The following ZSWIM6 variants were observed in gnomAD, a reference collection of about 807,000 sequenced individuals.
ZSWIM6 encodes the protein zinc finger SWIM domain-containing protein 6.
ZSWIM6 carries 9 observed loss-of-function variants against 113.2 expected under a neutral mutation model. That is an observed-to-expected ratio of 0.08 (90% confidence interval 0.05 to 0.14). ZSWIM6 has a LOEUF of 0.14. Among genes scored for constraint, ZSWIM6 ranks in the 10% least tolerant of loss-of-function variants. ZSWIM6 has a pLI of 1.00. For synonymous variants in ZSWIM6, 611 were observed against 606.5 expected (o/e 1.01, Z -0.11); for missense variants, 1,162 against 1,552.2 (o/e 0.75, Z 4.22).
chr5:61,506,055 TC>T (rs1205164702), intron 4 of ZSWIM6, among the ~76,000 whole-genome samples: 2 of 152,012 alleles, frequency 1.3e-5, no homozygotes, highest in African/African-American at 4.8e-5. Flanking sequence ...AGATTTATTT[TC>T]TTCCTTGACA....
chr5:61,355,262 G>T (rs1744874327), intron 1 of ZSWIM6, among the ~76,000 whole-genome samples: 1 of 152,056 alleles, frequency 6.6e-6, no homozygotes, highest in Non-Finnish European at 1.5e-5. Context: ...CTTATTCTGG[G>T]TGCCAGTGGA....
chr5:61,523,553 A>C (rs1437994969), intron 5 of ZSWIM6, among the ~76,000 whole-genome samples: 1 of 152,210 alleles, frequency 6.6e-6, no homozygotes, highest in Non-Finnish European at 1.5e-5. Context: ...TACTTTATGA[A>C]AAATTCTTAC....
intron 9 of ZSWIM6, among the ~76,000 whole-genome samples, chr5:61,534,322 A>G (rs925593999): frequency 2.0e-5 from 3 of 152,222 alleles, no homozygotes; most frequent in African/African-American, 4.8e-5. Flanking sequence ...TAAATAATGA[A>G]TAATTCAAAA....
Position 61,439,448 on chromosome 5 carries a change from G to T in ZSWIM6, c.677-33233G>T, listed in dbSNP as rs370278041. On this transcript the variant is annotated intron_variant, in intron 1 of 13. Transcript: ENST00000252744. ...ACTAGGGTTTTTAAGCTAAAAGGCT[G>T]CTTTTTAAATTGTGAAATATAAAGT... Among the ~76,000 whole-genome samples the T allele has an allele frequency of 4.7e-4, 72 of 152,296 alleles. No homozygotes were observed. The South Asian group carries it at 9.5e-3, about 20-fold the overall frequency.
Position 61,332,567 on chromosome 5 carries a change from G to A in ZSWIM6, c.295G>A (p.Glu99Lys). 1 of 1,365,922 alleles carries A rather than the reference G, an allele frequency of 7.3e-7. No individual in the cohort carries two copies. The highest frequency in any genetic ancestry group is 9.7e-7 in the Non-Finnish European group (1 of 1,032,638). The allele number at this position is 1,365,922 out of a possible 1,614,324, so 84.6% of individuals were successfully genotyped here. Residue 99 changes from glutamate to lysine, a missense_variant, in exon 1 of 14, where the codon GAG becomes AAG. Transcript: ENST00000252744. ...GTTCCAGCGCGTGGAGGAGCGCTTT[G>A]AGCGCATCCCGGAGCCGGTGCAGCG... ...WPFQRVEERF[E>K]RIPEPVQRRI...
intron 1 of ZSWIM6, among the ~76,000 whole-genome samples, chr5:61,374,756 T>C (rs1005672290): frequency 2.0e-5 from 3 of 151,920 alleles, no homozygotes; most frequent in South Asian, 2.1e-4. Flanking sequence ...GGGGTTTCAC[T>C]GTGTTAGCCA....
rs190856393 is a variant in ZSWIM6, at chr5:61,525,922, C to T, written c.1636C>T (p.His546Tyr). 1 of 1,552,212 alleles carries T rather than the reference C, an allele frequency of 6.4e-7. No individual in the cohort carries two copies. Among genetic ancestry groups the T allele is most frequent in the South Asian group, 1.2e-5 (1 of 84,058 alleles). Residue 546 changes from histidine to tyrosine, a missense_variant, in exon 6 of 14, where the codon CAT (histidine) becomes TAT (tyrosine). This residue lies in a region of ZSWIM6 where 620 missense variants were observed against 804.6 expected (regional missense o/e 0.77). Transcript: ENST00000252744. ...TGACCTATACACCAACTACTGTTAC[C>T]ATGACGACACTGAAAACTCCCTCTT... is the stretch of plus-strand genomic sequence containing the variant. ...SSDLYTNYCY[H>Y]DDTENSLFDS...
chr5:61,426,712 T>G (rs1488733389), intron 1 of ZSWIM6, among the ~76,000 whole-genome samples: 1 of 152,194 alleles, frequency 6.6e-6, no homozygotes, highest in African/African-American at 2.4e-5. Context: ...TTGCAGACTT[T>G]CTTTATCTTT....
chr5:61,344,191 G>A (rs1744607588), intron 1 of ZSWIM6, among the ~76,000 whole-genome samples: 1 of 152,162 alleles, frequency 6.6e-6, no homozygotes, highest in Non-Finnish European at 1.5e-5. Context: ...CACTGTGCCT[G>A]GCCAGGATTT....
chr5:61,535,588 T>G lies in ZSWIM6; in HGVS notation c.2350T>G (p.Leu784Val). The G allele has an allele frequency of 6.4e-7, 1 of 1,551,296 alleles. No homozygotes were observed. Among genetic ancestry groups the G allele is most frequent in the Middle Eastern group, 1.7e-4 (1 of 5,988 alleles). The change falls in exon 10 of 14, where the codon TTG becomes GTG. Residue 784 changes from leucine (L) to valine (V), a missense_variant. Coordinates refer to ENST00000252744, the MANE Select transcript of ZSWIM6 (RefSeq NM_020928.2). Reference sequence around the variant, plus strand: ...CTCTCTCCTACCTCACGATGCTGAATTGGCATACAAAATTGCACTGAGAGC... The same window carrying G: ...CTCTCTCCTACCTCACGATGCTGAAGTGGCATACAAAATTGCACTGAGAGC... ...FTSLLPHDAE[L>V]AYKIALRAMR...
At chr5:61,368,081 A>G (rs998577428) in intron 1 of ZSWIM6, among the ~76,000 whole-genome samples, 2 of 152,132 alleles carry the variant, frequency 1.3e-5, no homozygotes, top group African/African-American at 2.4e-5. Context: ...AAGCAGTGAT[A>G]ATGCCACTGT....
At chr5:61,376,894 T>G (rs1561213501) in intron 1 of ZSWIM6, among the ~76,000 whole-genome samples, 1 of 151,308 alleles carries the variant, frequency 6.6e-6, no homozygotes, top group Non-Finnish European at 1.5e-5. Flanking sequence ...CCAAGATATT[T>G]AGCATGTAAA....
intron 1 of ZSWIM6, among the ~76,000 whole-genome samples, chr5:61,362,550 A>G (rs1293889936): frequency 6.6e-6 from 1 of 152,126 alleles, no homozygotes; most frequent in Non-Finnish European, 1.5e-5. Context: ...TTGCACAGGG[A>G]GCCTCAGCTC....
At chr5:61,540,798 G>T (rs1383154777) in intron 12 of ZSWIM6, among the ~76,000 whole-genome samples, 1 of 151,596 alleles carries the variant, frequency 6.6e-6, no homozygotes, top group Non-Finnish European at 1.5e-5. Context: ...CTTATTCCTT[G>T]ACTCATTCTT....
intron 1 of ZSWIM6, among the ~76,000 whole-genome samples, chr5:61,447,416 CTCAG>C (rs1746984856): frequency 1.3e-5 from 2 of 152,214 alleles, no homozygotes; most frequent in African/African-American, 4.8e-5. Context: ...GCTTTCCTCT[CTCAG>C]TCAGTTGGGC....
chr5:61,351,142 A>G (rs1356370271), intron 1 of ZSWIM6, among the ~76,000 whole-genome samples: 1 of 152,256 alleles, frequency 6.6e-6, no homozygotes, highest in African/African-American at 2.4e-5. Context: ...GCAGCTAAAC[A>G]GAGCATGTTT....
intron 1 of ZSWIM6, among the ~76,000 whole-genome samples, chr5:61,333,561 C>A (rs1744316521): frequency 6.6e-6 from 1 of 151,960 alleles, no homozygotes; most frequent in Non-Finnish European, 1.5e-5. Flanking sequence ...GTCGCTGTGG[C>A]GTCTGGCCCG....
intron 1 of ZSWIM6, among the ~76,000 whole-genome samples, chr5:61,397,560 T>C (rs762432415): frequency 2.0e-5 from 3 of 152,212 alleles, no homozygotes; most frequent in Non-Finnish European, 4.4e-5. Context: ...ACTTTTTTTT[T>C]TTAAGAGGCA....
At chr5:61,494,865 C>T (rs1467825336) in intron 4 of ZSWIM6, among the ~76,000 whole-genome samples, 5 of 152,034 alleles carry the variant, frequency 3.3e-5, no homozygotes, top group South Asian at 2.1e-4. Context: ...ACTGTCGATC[C>T]TCAGAATGGA....
Sources: gnomAD v4.1 joint callset for allele counts (sites outside exome capture counted in the v4.1 genomes callset) on GRCh38, gnomAD v4.1.1 for gene constraint, gnomAD v4.1.1 regional missense constraint, MANE v1.5 for transcripts, NCBI Gene and HGNC (gene_info 2026-07-23, HGNC 2026-07-21) for gene names.